PSMB2: variants seen among roughly 807,000 people sequenced by gnomAD.
PSMB2 encodes proteasome 20S subunit beta 2, also known as proteasome subunit beta type-2.
In PSMB2, 13 loss-of-function variants were observed where a neutral mutation model predicts 25.7. The ratio of observed to expected loss-of-function variants is 0.51; its 90% CI spans 0.33 to 0.80. PSMB2 has a LOEUF of 0.80. Among genes scored for constraint, PSMB2 ranks in the 30% least tolerant of loss-of-function variants. PSMB2 has a pLI of 0.02. For missense variants in PSMB2, 202 were observed against 259.0 expected (o/e 0.78, Z 1.51); for synonymous variants, 87 against 96.2 (o/e 0.90, Z 0.56).
chr1:35,633,415 A>G (rs574432510), intron 2 of PSMB2, among the ~76,000 whole-genome samples: 1 of 152,320 alleles, frequency 6.6e-6, no homozygotes, highest in African/African-American at 2.4e-5. Context: ...TATAAGAATT[A>G]CTATATAGAG....
At chr1:35,612,219 T>C (rs532456461) in intron 3 of PSMB2, among the ~76,000 whole-genome samples, 175 of 152,240 alleles carry the variant, frequency 1.1e-3, no homozygotes, top group Non-Finnish European at 2.0e-3. Flanking sequence ...TCTGGAATTC[T>C]CTGTGCATTC....
chr1:35,636,688 C>T (rs1651253211), intron 1 of PSMB2, among the ~76,000 whole-genome samples: 1 of 151,928 alleles, frequency 6.6e-6, no homozygotes, highest in Non-Finnish European at 1.5e-5. Flanking sequence ...CAACTATTTA[C>T]ATAGCACTTA....
intron 3 of PSMB2, among the ~76,000 whole-genome samples, chr1:35,616,013 T>A (rs548365052): frequency 6.6e-6 from 1 of 152,338 alleles, no homozygotes; most frequent in Admixed American, 6.5e-5. Context: ...TAAAATTCCA[T>A]CTTTAGCACT....
intron 2 of PSMB2, among the ~76,000 whole-genome samples, chr1:35,635,320 T>C (rs1651214946): frequency 6.6e-6 from 1 of 151,574 alleles, no homozygotes. Flanking sequence ...TTGCTCAGGC[T>C]AGTCTTAAAC....
intron 3 of PSMB2, among the ~76,000 whole-genome samples, chr1:35,621,175 G>T (rs1463092397): frequency 6.6e-6 from 1 of 152,048 alleles, no homozygotes; most frequent in Non-Finnish European, 1.5e-5. Context: ...AAACACCTTG[G>T]TCTGTGCTTT....
At position 35,639,910 on chromosome 1, in the gene PSMB2, T is replaced by C. The variant is rs140013500; in HGVS notation, c.91+1432A>G. On this transcript the variant is annotated intron_variant, in intron 1 of 5. Coordinates refer to ENST00000373237, the MANE Select transcript of PSMB2 (RefSeq NM_002794.5). ...TGTTAAGTGATTTACATTAATTCAT[T>C]AACCTTTTGAGATAGGTGCTATTAC... is the stretch of plus-strand genomic sequence containing the variant. 2.9e-3 allele frequency among the ~76,000 whole-genome samples: 444 copies of C among 152,304 alleles called. 3 individuals carry two copies. Among genetic ancestry groups the C allele is most frequent in the South Asian group, 3.7e-3 (18 of 4,828 alleles).
chr1:35,606,250 GGAAGTCAAATGTCCCTATTTGCA>G, intron 4 of PSMB2, among the ~76,000 whole-genome samples: 2 of 152,192 alleles, frequency 1.3e-5, no homozygotes, highest in South Asian at 4.1e-4. Flanking sequence ...TTGGAAAGCA[GGAAGTCAAATGTCCCTATTTGCA>G]GATGACATGA....
intron 3 of PSMB2, among the ~76,000 whole-genome samples, chr1:35,624,760 A>C (rs1371235485): frequency 6.6e-6 from 1 of 151,536 alleles, no homozygotes; most frequent in East Asian, 1.9e-4. Flanking sequence ...CTCAAAAAAA[A>C]CAAAAACAAA....
chr1:35,624,344 G>T (rs965815241), intron 3 of PSMB2, among the ~76,000 whole-genome samples: 5 of 152,032 alleles, frequency 3.3e-5, no homozygotes, highest in Admixed American at 6.6e-5. Context: ...CCTATTGCAG[G>T]GCTCTTTGGT....
chr1:35,641,401 T>A lies in PSMB2; in HGVS notation c.32A>T (p.Asp11Val), dbSNP rs1386621925. The A allele has an allele frequency of 6.2e-7, 1 of 1,613,854 alleles. No homozygotes were observed. The highest frequency in any genetic ancestry group is 8.5e-7 in the Non-Finnish European group (1 of 1,180,000). The change falls in exon 1 of 6, where the codon GAC becomes GTC. Residue 11 changes from aspartate to valine, a missense_variant. Coordinates refer to ENST00000373237, the MANE Select transcript of PSMB2 (RefSeq NM_002794.5). Reference sequence around the variant, plus strand: ...CCGGTCGGAGGCGACAAGAACATAGTCGGGGCCTTGGATACCGATGAGGTA... The same window carrying A: ...CCGGTCGGAGGCGACAAGAACATAGACGGGGCCTTGGATACCGATGAGGTA... MEYLIGIQGP[D>V]YVLVASDRVA... is the part of the protein sequence containing the mutation.
rs1649976078 is a variant in PSMB2, at chr1:35,600,991, TAGC to T, written c.*2273_*2275del. 1 of 984,996 alleles carries T rather than the reference TAGC, an allele frequency of 1.0e-6. No individual in the cohort carries two copies. Among genetic ancestry groups the T allele is most frequent in the Non-Finnish European group, 1.2e-6 (1 of 829,874 alleles). The allele number at this position is 984,996 out of a possible 1,614,324, so 61.0% of individuals were successfully genotyped here. Reference sequence around the variant, plus strand: ...TCATTGTACAGATGGGAAAATCATGTAGCAGGATAGTCTGTGCTTTAGTAGCAG... The same window carrying T: ...TCATTGTACAGATGGGAAAATCATGTAGGATAGTCTGTGCTTTAGTAGCAG... On this transcript the variant is annotated 3_prime_UTR_variant, in exon 6 of 6. Coordinates refer to ENST00000373237, the MANE Select transcript of PSMB2 (RefSeq NM_002794.5).
chr1:35,611,961 G>A (rs887845856), intron 3 of PSMB2, among the ~76,000 whole-genome samples: 7 of 152,092 alleles, frequency 4.6e-5, no homozygotes, highest in Non-Finnish European at 7.4e-5. Context: ...TTGAGCCACC[G>A]TGCCTAGCAT....
intron 2 of PSMB2, 108 bp from the exon 3 acceptor site, chr1:35,631,452 AGAGT>A: frequency 6.5e-7 from 1 of 1,546,554 alleles, no homozygotes. Flanking sequence ...TTGTACACTC[AGAGT>A]AAACAAAGCA....
In PSMB2 at chr1:35,641,468, G is replaced by T; in HGVS notation, c.-36C>A. ...GGCCAGGGGCTGCAGGTCCGACACA[G>T]CACGAGACTCGCCCGCTTCCAGGTC... On this transcript the variant is annotated 5_prime_UTR_variant, in exon 1 of 6. It adds an upstream start codon to the 5' untranslated region. Coordinates refer to ENST00000373237, the MANE Select transcript of PSMB2 (RefSeq NM_002794.5). 1 of 1,613,520 alleles carries T rather than the reference G, an allele frequency of 6.2e-7. No homozygotes were observed. The highest frequency in any genetic ancestry group is 8.5e-7 in the Non-Finnish European group (1 of 1,179,732).
At chr1:35,640,351 G>C (rs887233228) in intron 1 of PSMB2, among the ~76,000 whole-genome samples, 3 of 152,110 alleles carry the variant, frequency 2.0e-5, no homozygotes, top group Admixed American at 6.5e-5. Flanking sequence ...CGACAAGTTT[G>C]TGAGTTTGGT....
chr1:35,631,193 A>C, intron 3 of PSMB2, 81 bp downstream of exon 3: 7 of 1,447,072 alleles, frequency 4.8e-6, no homozygotes, highest in Non-Finnish European at 6.8e-6. Context: ...GGGCAAAAAT[A>C]CTACTCATGT....
intron 3 of PSMB2, among the ~76,000 whole-genome samples, chr1:35,610,025 G>A (rs1429375912): frequency 1.3e-5 from 2 of 152,180 alleles, no homozygotes; most frequent in Non-Finnish European, 2.9e-5. Flanking sequence ...GAACAATTCT[G>A]AGAATGCCAG....
chr1:35,621,232 T>C (rs1241523397), intron 3 of PSMB2, among the ~76,000 whole-genome samples: 1 of 152,170 alleles, frequency 6.6e-6, no homozygotes, highest in African/African-American at 2.4e-5. Flanking sequence ...AGCAAGTCCT[T>C]TGAGGCTCAG....
chr1:35,635,467 T>C (rs1411042165), intron 2 of PSMB2, among the ~76,000 whole-genome samples: 1 of 151,990 alleles, frequency 6.6e-6, no homozygotes, highest in African/African-American at 2.4e-5. Flanking sequence ...TCTAGGATTT[T>C]TGTAGAAAAT....
Sources: allele counts gnomAD v4.1 joint callset (sites outside exome capture counted in the v4.1 genomes callset), GRCh38; gene constraint gnomAD v4.1.1; transcripts MANE v1.5; gene names NCBI Gene and HGNC (gene_info 2026-07-23, HGNC 2026-07-21).